The following GAREM2 variants were observed in gnomAD, a reference collection of about 807,000 sequenced individuals.
GAREM2 encodes GRB2-associated and regulator of MAPK protein 2.
In GAREM2, 30 loss-of-function variants were observed where a neutral mutation model predicts 55.6. That is an observed-to-expected ratio of 0.54 (90% CI 0.40 to 0.73). The LOEUF is 0.73. GAREM2 is among the 30% of genes least tolerant of loss of function. The probability of loss-of-function intolerance (pLI) is 0.00; values close to 1 mark genes in which losing one functional copy is unlikely to be tolerated. For synonymous variants in GAREM2, 550 were observed against 569.1 expected (o/e 0.97, Z 0.48); for missense variants, 1,075 against 1,257.7 (o/e 0.85, Z 2.20).
downstream of GAREM2, chr2:26,194,517 G>T: frequency 9.5e-7 from 1 of 1,054,276 alleles, no homozygotes; most frequent in Non-Finnish European, 1.5e-6. Context: ...ATGAGTTTTA[G>T]AGTGACTGAA....
At chr2:26,195,296 T>C in the GAREM2 span, 2 of 1,344,098 alleles carry the variant, frequency 1.5e-6, no homozygotes, top group Admixed American at 1.7e-5. Flanking sequence ...AGAGCATTCC[T>C]TCTCTGCTAG....
chr2:26,173,395 G>C (rs1275642315), intron 1 of GAREM2, 63 bp downstream of exon 1: 30 of 927,844 alleles, frequency 3.2e-5, no homozygotes, highest in Admixed American at 2.4e-4. Flanking sequence ...CTCCAGCCAG[G>C]GGCCAGAGGG....
At chr2:26,191,703 G>A, downstream of GAREM2, 2 of 1,498,802 alleles carry the variant, frequency 1.3e-6, no homozygotes, top group Non-Finnish European at 1.9e-6. Context: ...ATGCAGAATG[G>A]AAGTCGGGAT....
At chr2:26,182,428 G>A in intron 2 of GAREM2, 1 of 1,550,336 alleles carries the variant, frequency 6.5e-7, no homozygotes, top group Non-Finnish European at 8.7e-7. Flanking sequence ...GCCAGGCCCT[G>A]GTTGGCCCAG....
At chr2:26,191,099 T>A (rs977772877), downstream of GAREM2, 13 of 740,462 alleles carry the variant, frequency 1.8e-5, no homozygotes, top group Non-Finnish European at 2.8e-5. Context: ...GGAGAGATGG[T>A]CTTGGCTGAA....
chr2:26,173,205 C>G lies in GAREM2; in HGVS notation c.-16C>G. The G allele has an allele frequency of 1.7e-6, 2 of 1,208,674 alleles. No homozygotes were observed. Among genetic ancestry groups the G allele is most frequent in the Non-Finnish European group, 2.1e-6 (2 of 954,864 alleles). The allele number at this position is 1,208,674 out of a possible 1,614,324, so 74.9% of individuals were successfully genotyped here. The stretch of plus-strand genomic sequence containing the variant: ...CCGTCGGGGCCCCGGGACGGCGGCC[C>G]CGGGGCGCCCATGCCATGGAGAAGC... On this transcript the variant is annotated 5_prime_UTR_variant, in exon 1 of 6. Coordinates refer to ENST00000401533, the MANE Select transcript of GAREM2 (RefSeq NM_001168241.2).
At chr2:26,191,801 T>C (rs994726642), downstream of GAREM2, among the ~76,000 whole-genome samples, 10 of 152,068 alleles carry the variant, frequency 6.6e-5, no homozygotes, top group African/African-American at 2.4e-4. Context: ...ATGGAAAAAG[T>C]GGAGAGTAAC....
downstream of GAREM2, chr2:26,194,647 G>A (rs1669611380): frequency 1.9e-6 from 3 of 1,596,956 alleles, no homozygotes; most frequent in Admixed American, 3.3e-5. Flanking sequence ...TCCTGCCAAG[G>A]AAGAGAACAT....
Position 26,184,621 on chromosome 2 carries a change from T to C in GAREM2, c.773T>C (p.Ile258Thr), listed in dbSNP as rs12992439. 6.5e-7 allele frequency: 1 copy of C among 1,548,072 alleles called. No homozygotes were observed. The highest frequency in any genetic ancestry group is 8.7e-7 in the Non-Finnish European group (1 of 1,145,980). Residue 258 changes from isoleucine to threonine, a missense_variant, in exon 4 of 6, where the codon ATC (isoleucine) becomes ACC (threonine). Ile to Thr is a moderately conservative substitution (Grantham distance 89). Around this residue, in one of 6 missense-constraint regions of GAREM2, gnomAD observed 170 missense variants for 220.7 expected, o/e 0.77. Transcript: ENST00000401533. ...GGCGAGCACACGGTGCGCGCCATCA[T>C]CGAGCGCGTGAGGCTGCCGGTGAAC... Reference protein sequence around the residue: ...QEGEHTVRAIIERVRLPVNVL... With the variant: ...QEGEHTVRAITERVRLPVNVL...
At chr2:26,175,075 C>CCACA (rs113787363) in intron 1 of GAREM2, among the ~76,000 whole-genome samples, 4,178 of 150,302 alleles carry the variant, frequency 0.028, 210 homozygotes, top group African/African-American at 0.096. Context: ...CGCCACCCTG[C>CCACA]CACACACACA....
intron 2 of GAREM2, chr2:26,181,257 C>A: frequency 2.1e-6 from 1 of 468,832 alleles, no homozygotes; most frequent in Non-Finnish European, 2.8e-6. Flanking sequence ...CCCCTCCTGT[C>A]CTCCCTCTCC....
At chr2:26,176,842 G>A (rs1322780010) in intron 2 of GAREM2, among the ~76,000 whole-genome samples, 1 of 152,154 alleles carries the variant, frequency 6.6e-6, no homozygotes, top group Non-Finnish European at 1.5e-5. Context: ...AACATGTCCT[G>A]CCAGGACCTT....
At chr2:26,178,908 A>AGGCGGAGGCG (rs1456119952) in intron 2 of GAREM2, among the ~76,000 whole-genome samples, 3 of 21,320 alleles carry the variant, frequency 1.4e-4, no homozygotes, top group African/African-American at 6.4e-4. Flanking sequence ...AGGCGGAGGC[A>AGGCGGAGGCG]GAGGCCCCTA....
chr2:26,179,013 C>T lies in GAREM2; in HGVS notation c.253+2529C>T, dbSNP rs1668957238. ...TAATGAATTAATAATGGCGCTCGGG[C>T]GGGCGGGGGTGGCCGGCTGCGGACC... On this transcript the variant is annotated intron_variant, in intron 2 of 5. Transcript: ENST00000401533. The surrounding 1 kb of genome is among the most constrained non-coding windows in gnomAD (Gnocchi z 4.7). 6.7e-6 allele frequency among the ~76,000 whole-genome samples: 1 copy of T among 149,774 alleles called. No homozygotes were observed. The highest frequency in any genetic ancestry group is 1.5e-5 in the Non-Finnish European group (1 of 67,304).
chr2:26,187,907 C>T lies in GAREM2; in HGVS notation c.2275C>T (p.Pro759Ser). 4 of 1,441,280 alleles carry T rather than the reference C, an allele frequency of 2.8e-6. No individual in the cohort carries two copies. The highest frequency in any genetic ancestry group is 3.7e-6 in the Non-Finnish European group (4 of 1,092,538). 89.3% of individuals were successfully genotyped at this position (1,441,280 alleles called of 1,614,324 possible). A position where few individuals can be genotyped will look rare whatever the true frequency, so the allele number is the denominator to read the frequency against. The change falls in exon 6 of 6, where the codon CCA (proline) becomes TCA (serine). Residue 759 changes from proline to serine, a missense_variant. This residue lies in a region of GAREM2 where 142 missense variants were observed against 172.3 expected (regional missense o/e 0.82). Coordinates refer to ENST00000401533, the MANE Select transcript of GAREM2 (RefSeq NM_001168241.2). ...GCACCAGGTCCCCACCCCACTGTCA[C>T]CAGCTGCTCTGCAGGGACCCGAGGC... ...VLHQVPTPLS[P>S]AALQGPEAGG...
At chr2:26,175,817 G>A (rs1428258272) in intron 1 of GAREM2, among the ~76,000 whole-genome samples, 2 of 152,188 alleles carry the variant, frequency 1.3e-5, no homozygotes, top group African/African-American at 4.8e-5. Context: ...TGCCCCAGTA[G>A]GGCCCTTCTT....
chr2:26,189,842 G>T (rs1306411189), downstream of GAREM2, among the ~76,000 whole-genome samples: 1 of 152,156 alleles, frequency 6.6e-6, no homozygotes, highest in East Asian at 1.9e-4. Flanking sequence ...GCCCTCGCCA[G>T]CCCCTCCCTA....
the GAREM2 span, among the ~76,000 whole-genome samples, chr2:26,200,723 A>G: frequency 1.5e-5 from 2 of 137,042 alleles, no homozygotes; most frequent in East Asian, 4.4e-4. Flanking sequence ...TTAACGTTTG[A>G]TAACAAAAAG....
At chr2:26,181,269 T>G in intron 2 of GAREM2, 1 of 398,752 alleles carries the variant, frequency 2.5e-6, no homozygotes. Flanking sequence ...TCCCTCTCCC[T>G]AAGTCCTTCC....
Sources: gnomAD v4.1 joint callset for allele counts (sites outside exome capture counted in the v4.1 genomes callset) on GRCh38, gnomAD v4.1.1 for gene constraint, gnomAD v4.1.1 regional missense constraint, Gnocchi (gnomAD v3.1) non-coding constraint, MANE v1.5 for transcripts, NCBI Gene and HGNC (gene_info 2026-07-23, HGNC 2026-07-21) for gene names.